The following FBXO31 variants were observed in gnomAD, a reference collection of about 807,000 sequenced individuals.
FBXO31 encodes F-box only protein 31.
FBXO31 carries 24 observed loss-of-function variants against 54.4 expected under a neutral mutation model. The ratio of observed to expected loss-of-function variants is 0.44; its 90% CI spans 0.32 to 0.62. The LOEUF is 0.62. Among genes scored for constraint, FBXO31 ranks in the 20% least tolerant of loss-of-function variants. The pLI is 0.05. For synonymous variants in FBXO31, 388 were observed against 335.6 expected (o/e 1.16, Z -1.71); for missense variants, 665 against 787.1 (o/e 0.84, Z 1.86).
chr16:87,348,027 G>A (rs1424487329), intron 2 of FBXO31, among the ~76,000 whole-genome samples: 4 of 152,072 alleles, frequency 2.6e-5, no homozygotes, highest in African/African-American at 7.2e-5. Flanking sequence ...CTCACTTCCT[G>A]AGCAGCTCCA....
Position 87,358,648 on chromosome 16 carries a change from G to A in FBXO31, c.412+1647C>T, listed in dbSNP as rs754281672. ...ACCCAGGACACAGAGAGGTGGCTCT[G>A]AGAAACCTGCTGGAGAGAACAACAC... On this transcript the variant is annotated intron_variant, in intron 2 of 8. Coordinates refer to ENST00000311635, the MANE Select transcript of FBXO31 (RefSeq NM_024735.5). This position sits in a 1 kb window ranked among gnomAD's most constrained non-coding sequence, Gnocchi z 4.0. Among the ~76,000 whole-genome samples the A allele has an allele frequency of 4.6e-5, 7 of 152,184 alleles. No homozygotes were observed. The highest frequency in any genetic ancestry group is 1.0e-4 in the Non-Finnish European group (7 of 68,026).
At chr16:87,359,512 T>A (rs977996265) in intron 2 of FBXO31, among the ~76,000 whole-genome samples, 3 of 152,202 alleles carry the variant, frequency 2.0e-5, no homozygotes, top group Non-Finnish European at 2.9e-5. Flanking sequence ...GAGAAATATG[T>A]CTTCATGTCA....
At chr16:87,360,245 T>G in intron 2 of FBXO31, 50 bp downstream of exon 2, 1 of 1,532,272 alleles carries the variant, frequency 6.5e-7, no homozygotes. Flanking sequence ...GTGCACTGTC[T>G]GCTTCTGGTA....
chr16:87,340,025 G>A (rs1251859311), intron 5 of FBXO31, among the ~76,000 whole-genome samples: 1 of 152,226 alleles, frequency 6.6e-6, no homozygotes, highest in Non-Finnish European at 1.5e-5. Context: ...GCTCGCGCCT[G>A]TAATCCCAGC....
At position 87,358,029 on chromosome 16, in the gene FBXO31, T is replaced by C. The variant is rs1905972955; in HGVS notation, c.412+2266A>G. Among the ~76,000 whole-genome samples, 1 of 152,160 alleles carries C rather than the reference T, an allele frequency of 6.6e-6. No homozygotes were observed. The highest frequency in any genetic ancestry group is 2.4e-5 in the African/African-American group (1 of 41,418). On this transcript the variant is annotated intron_variant, in intron 2 of 8. Transcript: ENST00000311635. The surrounding 1 kb of genome is among the most constrained non-coding windows in gnomAD (Gnocchi z 4.0). ...AAAATGTGATTAAAACTAATAAAGG[T>C]CAGAAGTCAAATATTCATATTTCAC...
upstream of FBXO31, among the ~76,000 whole-genome samples, chr16:87,388,191 T>A (rs902602252): frequency 6.6e-6 from 1 of 152,226 alleles, no homozygotes; most frequent in African/African-American, 2.4e-5. Flanking sequence ...TACCACGCGT[T>A]CTACTTTGCA....
intron 1 of FBXO31, among the ~76,000 whole-genome samples, chr16:87,368,305 C>A (rs146728462): frequency 6.6e-6 from 1 of 152,314 alleles, no homozygotes; most frequent in East Asian, 1.9e-4. Context: ...ATATTTTCCA[C>A]ATGATGAAAA....
In FBXO31 at chr16:87,336,956, G is replaced by C. The variant is rs1905060889; in HGVS notation, c.733-692C>G. Among the ~76,000 whole-genome samples the C allele has an allele frequency of 6.6e-6, 1 of 152,130 alleles. No individual in the cohort carries two copies. Among genetic ancestry groups the C allele is most frequent in the Non-Finnish European group, 1.5e-5 (1 of 68,030 alleles). On this transcript the variant is annotated intron_variant, in intron 5 of 8. Transcript: ENST00000311635. This position sits in a 1 kb window ranked among gnomAD's most constrained non-coding sequence, Gnocchi z 6.5. ...TTCCCAGCTCAATACAGTGTTTCCA[G>C]TCATTATCTAGACCTAACTCTGAAA... is the stretch of plus-strand genomic sequence containing the variant.
intron 1 of FBXO31, among the ~76,000 whole-genome samples, chr16:87,364,336 C>T (rs1053393575): frequency 1.3e-5 from 2 of 152,226 alleles, no homozygotes; most frequent in Admixed American, 1.3e-4. Flanking sequence ...CCAGACTCTG[C>T]CCTGAAGAAT....
chr16:87,331,449 C>A lies in FBXO31; in HGVS notation c.1459G>T (p.Val487Phe). 6.2e-7 allele frequency: 1 copy of A among 1,613,622 alleles called. No homozygotes were observed. Among genetic ancestry groups the A allele is most frequent in the South Asian group, 1.1e-5 (1 of 91,040 alleles). ...GFTSPERTPGVFILFDEDRFG... is the reference protein window; with the variant it reads ...GFTSPERTPGFFILFDEDRFG... ...CGGTCCTCATCGAAGAGGATGAAGACCCCGGGGGTGCGTTCAGGGCTGGTG... is the reference window on the plus strand; with the variant it reads ...CGGTCCTCATCGAAGAGGATGAAGAACCCGGGGGTGCGTTCAGGGCTGGTG... Residue 487 changes from valine to phenylalanine, a missense_variant, in exon 9 of 9, where the codon GTC becomes TTC. Physicochemically the swap from Val to Phe is conservative, Grantham distance 50 (BLOSUM62 -1). Transcript: ENST00000311635.
chr16:87,379,012 T>C (rs1039062958), intron 1 of FBXO31, among the ~76,000 whole-genome samples: 1 of 151,596 alleles, frequency 6.6e-6, no homozygotes, highest in Non-Finnish European at 1.5e-5. Context: ...TATAGATATA[T>C]ATGTATCCAA....
Position 87,330,813 on chromosome 16 carries a change from T to C in FBXO31, c.*475A>G, listed in dbSNP as rs1904824588. 2 of 175,316 alleles carry C rather than the reference T, an allele frequency of 1.1e-5. No homozygotes were observed. The highest frequency in any genetic ancestry group is 1.2e-5 in the Non-Finnish European group (1 of 82,108). The allele number at this position is 175,316 out of a possible 1,614,324, so 10.9% of individuals were successfully genotyped here. A position where few individuals can be genotyped will look rare whatever the true frequency, so the allele number is the denominator to read the frequency against. On this transcript the variant is annotated 3_prime_UTR_variant, in exon 9 of 9. Transcript: ENST00000311635. ...ACCTGCGCTGCCTGAGCTGTTCGCC[T>C]CTTCCTGACCCCCTCCCAGAGGCCA...
rs1904767411 is a variant in FBXO31 at position 87,329,485 on chromosome 16, G to T, written c.*1803C>A. The T allele has an allele frequency of 6.6e-6, 1 of 152,282 alleles. No individual in the cohort carries two copies. Among genetic ancestry groups the T allele is most frequent in the Non-Finnish European group, 1.5e-5 (1 of 68,068 alleles). 9.4% of individuals were successfully genotyped at this position (152,282 alleles called of 1,614,324 possible). A position where few individuals can be genotyped will look rare whatever the true frequency, so the allele number is the denominator to read the frequency against. ...TTTGCTTGATTTTATTTAAACAATG[G>T]TGAATCTTCAAGGTGCCAGTCTACA... On this transcript the variant is annotated 3_prime_UTR_variant, in exon 9 of 9. Coordinates refer to ENST00000311635, the MANE Select transcript of FBXO31 (RefSeq NM_024735.5).
chr16:87,375,912 C>T (rs967244145), intron 1 of FBXO31, among the ~76,000 whole-genome samples: 1 of 152,340 alleles, frequency 6.6e-6, no homozygotes, highest in East Asian at 1.9e-4. Flanking sequence ...CCCCTGCCGC[C>T]ACCCTCAGCC....
chr16:87,358,465 C>T lies in FBXO31; in HGVS notation c.412+1830G>A, dbSNP rs1221090304. The stretch of plus-strand genomic sequence containing the variant: ...TGCTCATAATCAGGGAGAATTTTCA[C>T]AAAACGTCCCGACTTCACGCGAGGG... On this transcript the variant is annotated intron_variant, in intron 2 of 8. Transcript: ENST00000311635. The surrounding 1 kb of genome is among the most constrained non-coding windows in gnomAD (Gnocchi z 4.0). 2 of 152,650 alleles carry T rather than the reference C, an allele frequency of 1.3e-5. No individual in the cohort carries two copies. Among genetic ancestry groups the T allele is most frequent in the African/African-American group, 4.8e-5 (2 of 41,448 alleles). 9.5% of individuals were successfully genotyped at this position (152,650 alleles called of 1,614,324 possible). A position where few individuals can be genotyped will look rare whatever the true frequency, so the allele number is the denominator to read the frequency against.
At position 87,330,960 on chromosome 16, in the gene FBXO31, A is replaced by C; in HGVS notation, c.*328T>G. On this transcript the variant is annotated 3_prime_UTR_variant, in exon 9 of 9. Coordinates refer to ENST00000311635, the MANE Select transcript of FBXO31 (RefSeq NM_024735.5). ...GTCAGGAGGGTCCTGCTTCCCGAGAAAACCACCAGCCAGCCCAGGGTGCGG... is the reference window on the plus strand; with the variant it reads ...GTCAGGAGGGTCCTGCTTCCCGAGACAACCACCAGCCAGCCCAGGGTGCGG... The C allele has an allele frequency of 3.4e-6, 1 of 294,778 alleles. No homozygotes were observed. Among genetic ancestry groups the C allele is most frequent in the Non-Finnish European group, 6.6e-6 (1 of 152,124 alleles). 18.3% of individuals were successfully genotyped at this position (294,778 alleles called of 1,614,324 possible). A position where few individuals can be genotyped will look rare whatever the true frequency, so the allele number is the denominator to read the frequency against.
intron 2 of FBXO31, among the ~76,000 whole-genome samples, chr16:87,354,402 T>C (rs1567621383): frequency 6.6e-6 from 1 of 151,046 alleles, no homozygotes; most frequent in East Asian, 2.0e-4. Flanking sequence ...CCCGGGGAGA[T>C]GAAGGCTGCA....
intron 1 of FBXO31, among the ~76,000 whole-genome samples, chr16:87,370,263 G>A (rs537229015): frequency 1.1e-4 from 16 of 152,312 alleles, no homozygotes; most frequent in African/African-American, 3.4e-4. Flanking sequence ...CCTGGCCAGC[G>A]TGGCCGAGCC....
Position 87,349,513 on chromosome 16 carries a change from CAGCCTG to C in FBXO31, c.413-2269_413-2264del, listed in dbSNP as rs577203141. On this transcript the variant is annotated intron_variant, in intron 2 of 8. Transcript: ENST00000311635. ...AGATGGATCACGAGGAGTTCGAGACCAGCCTGGCCAACATGGTGAAACCCCGTCTCT... is the reference window on the plus strand; with the variant it reads ...AGATGGATCACGAGGAGTTCGAGACCGCCAACATGGTGAAACCCCGTCTCT... 3.9e-4 allele frequency among the ~76,000 whole-genome samples: 59 copies of C among 152,292 alleles called. 1 individual carries two copies. The South Asian group carries it at 8.7e-3, about 22-fold the overall frequency.
Sources: allele counts gnomAD v4.1 joint callset (sites outside exome capture counted in the v4.1 genomes callset), GRCh38; gene constraint gnomAD v4.1.1; non-coding constraint Gnocchi (gnomAD v3.1); transcripts MANE v1.5; gene names NCBI Gene and HGNC (gene_info 2026-07-23, HGNC 2026-07-21).